The following THSD7B variants were observed in gnomAD, a reference collection of about 807,000 sequenced individuals.
The protein encoded by THSD7B is thrombospondin type 1 domain containing 7B.
A neutral mutation model predicts 213.6 loss-of-function variants in THSD7B; 138 were observed. That is an observed-to-expected ratio of 0.65 (90% confidence interval 0.56 to 0.74). The LOEUF (loss-of-function observed/expected upper bound fraction) is 0.74. THSD7B is among the 30% of genes least tolerant of loss of function. The pLI is 0.00. For missense variants in THSD7B, 1,931 were observed against 1,991.5 expected (o/e 0.97, Z 0.58); for synonymous variants, 742 against 687.0 (o/e 1.08, Z -1.25).
intron 9 of THSD7B, among the ~76,000 whole-genome samples, chr2:137,239,273 A>G (rs990128948): frequency 4.6e-5 from 7 of 152,206 alleles, no homozygotes; most frequent in African/African-American, 1.7e-4. Flanking sequence ...CAGAAAATGT[A>G]TTTATATAGC....
intron 12 of THSD7B, among the ~76,000 whole-genome samples, chr2:137,359,459 G>A (rs891859847): frequency 3.3e-5 from 5 of 152,180 alleles, no homozygotes; most frequent in Non-Finnish European, 7.3e-5. Context: ...AAACCTTGGG[G>A]GGTGCTAGTG....
rs974777158 is a variant in THSD7B at position 137,290,046 on chromosome 2, C to T, written c.2500+14020C>T. ...TCAATGTACATAGAAACCTCTCTCCCGGTAGTTACGCATGATCTTCTCATT... is the reference window on the plus strand; with the variant it reads ...TCAATGTACATAGAAACCTCTCTCCTGGTAGTTACGCATGATCTTCTCATT... On this transcript the variant is annotated intron_variant, in intron 12 of 27. Transcript: ENST00000409968. Among the ~76,000 whole-genome samples, 14 of 151,840 alleles carry T rather than the reference C, an allele frequency of 9.2e-5. 1 individual carries two copies. The South Asian group carries it at 1.1e-3, about 11-fold the overall frequency.
intron 1 of THSD7B, among the ~76,000 whole-genome samples, chr2:136,847,472 T>C (rs536075203): frequency 3.5e-4 from 53 of 152,270 alleles, no homozygotes; most frequent in African/African-American, 1.3e-3. Flanking sequence ...GCAAAGATTA[T>C]GGGTATTCCT....
chr2:137,579,360 G>T (rs576411172), intron 17 of THSD7B, among the ~76,000 whole-genome samples: 19 of 152,168 alleles, frequency 1.2e-4, no homozygotes, highest in African/African-American at 4.3e-4. Context: ...CCAAAACATT[G>T]GTCCTTCTTG....
At chr2:136,827,154 T>C (rs1682658196) in intron 1 of THSD7B, among the ~76,000 whole-genome samples, 1 of 152,218 alleles carries the variant, frequency 6.6e-6, no homozygotes, top group Non-Finnish European at 1.5e-5. Context: ...TTGGTTTCTC[T>C]GGCAGTGTTA....
chr2:137,663,413 A>C lies in THSD7B; in HGVS notation c.4489A>C (p.Thr1497Pro). Residue 1497 changes from threonine (T) to proline (P), a missense_variant, in exon 26 of 28, where the codon ACA (threonine) becomes CCA (proline). Coordinates refer to ENST00000409968, the MANE Select transcript of THSD7B (RefSeq NM_001316349.2). ...GGVCGCEKGY[T>P]EIMKSNGFLD... ...AGTCTGTGGTTGTGAGAAGGGCTAT[A>C]CAGAGATAATGAAATCAAATGGTTT... 6.3e-7 allele frequency: 1 copy of C among 1,592,238 alleles called. No homozygotes were observed. The highest frequency in any genetic ancestry group is 1.1e-5 in the South Asian group (1 of 87,398).
At chr2:136,833,796 G>C (rs892499926) in intron 1 of THSD7B, among the ~76,000 whole-genome samples, 6 of 152,120 alleles carry the variant, frequency 3.9e-5, no homozygotes, top group Non-Finnish European at 8.8e-5. Context: ...ATGAGGGGAA[G>C]AAGATGAAAA....
At chr2:137,139,997 T>C (rs922704422) in intron 5 of THSD7B, among the ~76,000 whole-genome samples, 2 of 151,794 alleles carry the variant, frequency 1.3e-5, no homozygotes, top group African/African-American at 4.9e-5. Context: ...TTATAAAAAT[T>C]TATAGAGAGA....
chr2:137,653,377 A>G (rs1683173114), intron 21 of THSD7B, among the ~76,000 whole-genome samples: 1 of 151,924 alleles, frequency 6.6e-6, no homozygotes, highest in Non-Finnish European at 1.5e-5. Flanking sequence ...CACCTTGGAA[A>G]GTTTGATTAT....
At chr2:137,584,355 G>A (rs147026007) in intron 17 of THSD7B, among the ~76,000 whole-genome samples, 1 of 152,092 alleles carries the variant, frequency 6.6e-6, no homozygotes, top group Non-Finnish European at 1.5e-5. Context: ...GATTGCCTTG[G>A]CCAGAACTTC....
intron 12 of THSD7B, among the ~76,000 whole-genome samples, chr2:137,284,837 G>T (rs1331136771): frequency 2.0e-5 from 3 of 152,076 alleles, no homozygotes. Context: ...GTCAATTTTG[G>T]AATAGGTGTG....
chr2:137,384,950 G>C (rs1460714260), intron 12 of THSD7B, among the ~76,000 whole-genome samples: 2 of 152,066 alleles, frequency 1.3e-5, no homozygotes, highest in African/African-American at 4.8e-5. Flanking sequence ...ACCAGGCTGA[G>C]AGAAATGGAT....
intron 2 of THSD7B, among the ~76,000 whole-genome samples, chr2:136,976,420 A>G (rs995598997): frequency 6.6e-6 from 1 of 152,186 alleles, no homozygotes; most frequent in African/African-American, 2.4e-5. Context: ...GGATCTATTG[A>G]GATAACCCCA....
intron 12 of THSD7B, among the ~76,000 whole-genome samples, chr2:137,351,551 C>T (rs114270075): frequency 0.011 from 1,718 of 151,942 alleles, 21 homozygotes; most frequent in Middle Eastern, 0.02. Flanking sequence ...AAATAGAGGT[C>T]TGATAAAATG....
chr2:136,966,223 A>AT (rs5834526), intron 2 of THSD7B, among the ~76,000 whole-genome samples: 16,465 of 149,624 alleles, frequency 0.11, 1,016 homozygotes, highest in East Asian at 0.16. Flanking sequence ...CTTCCTAAAC[A>AT]TTTTTTTTTT....
chr2:137,401,713 C>T (rs1415281129), intron 12 of THSD7B, among the ~76,000 whole-genome samples: 1 of 147,754 alleles, frequency 6.8e-6, no homozygotes, highest in African/African-American at 2.5e-5. Flanking sequence ...GAGCTGTGGT[C>T]TTCAGGCTAA....
intron 15 of THSD7B, among the ~76,000 whole-genome samples, chr2:137,489,051 TA>T (rs1255790853): frequency 6.6e-6 from 1 of 152,244 alleles, no homozygotes; most frequent in Non-Finnish European, 1.5e-5. Context: ...AAGAACTTAA[TA>T]TTTTTTTCTA....
At chr2:136,897,982 A>G (rs981911332) in intron 2 of THSD7B, among the ~76,000 whole-genome samples, 29 of 151,816 alleles carry the variant, frequency 1.9e-4, no homozygotes, top group Non-Finnish European at 3.5e-4. Flanking sequence ...TGCATTTACA[A>G]TCCTTTAGCT....
chr2:137,003,406 G>A (rs1315734858), intron 2 of THSD7B, among the ~76,000 whole-genome samples: 1 of 152,184 alleles, frequency 6.6e-6, no homozygotes, highest in Non-Finnish European at 1.5e-5. Context: ...AGAAAGTAGA[G>A]ATAGGATTAT....
Sources: allele counts gnomAD v4.1 joint callset (sites outside exome capture counted in the v4.1 genomes callset), GRCh38; gene constraint gnomAD v4.1.1; transcripts MANE v1.5; gene names NCBI Gene and HGNC (gene_info 2026-07-23, HGNC 2026-07-21).